Variants in CADM2 observed in about 807,000 individuals in gnomAD.
The protein encoded by CADM2 is cell adhesion molecule 2.
Under a neutral mutation model 49.8 loss-of-function variants are expected in CADM2, and 12 were observed. That is an observed-to-expected ratio of 0.24 (90% CI 0.15 to 0.39). CADM2 has a LOEUF of 0.39. Ranked by LOEUF, CADM2 falls within the 10% of genes least tolerant of loss-of-function variation. CADM2 has a pLI of 1.00. For synonymous variants in CADM2, 214 were observed against 175.4 expected, an observed-to-expected ratio of 1.22 and a Z score of -1.74; for missense variants, 378 against 492.3, an observed-to-expected ratio of 0.77 and a Z score of 2.20.
chr3:86,025,885 A>C (rs1323892571), intron 8 of CADM2, among the ~76,000 whole-genome samples: 2 of 152,196 alleles, frequency 1.3e-5, no homozygotes, highest in Non-Finnish European at 2.9e-5. Flanking sequence ...TAGAAGGAAG[A>C]GTCAATTTAA....
At chr3:85,593,732 T>TA (rs1386322588) in intron 1 of CADM2, among the ~76,000 whole-genome samples, 2 of 152,030 alleles carry the variant, frequency 1.3e-5, no homozygotes, top group African/African-American at 2.4e-5. Flanking sequence ...TCCAACATGA[T>TA]AAGGCTTTGA....
intron 1 of CADM2, among the ~76,000 whole-genome samples, chr3:85,452,377 G>T (rs2037785907): frequency 6.6e-6 from 1 of 152,098 alleles, no homozygotes; most frequent in Admixed American, 6.6e-5. Context: ...CAAAAATGGA[G>T]ATTTAAAGAG....
chr3:85,098,120 T>G (rs377481521), intron 1 of CADM2, among the ~76,000 whole-genome samples: 12 of 152,292 alleles, frequency 7.9e-5, no homozygotes, highest in African/African-American at 2.9e-4. Flanking sequence ...GCATTAGTCT[T>G]TGTCTGCATG....
chr3:86,071,678 G>A lies in CADM2; in HGVS notation c.*4895G>A, dbSNP rs890534404. Reference sequence around the variant, plus strand: ...TATAACAGTGCACTCCCCACCCCCTGGGAAATCTCAAAAGCCAAGTTCTTC... The same window carrying A: ...TATAACAGTGCACTCCCCACCCCCTAGGAAATCTCAAAAGCCAAGTTCTTC... On this transcript the variant is annotated 3_prime_UTR_variant, in exon 10 of 10. Coordinates refer to ENST00000383699, the MANE Select transcript of CADM2 (RefSeq NM_001167675.2). 6.6e-6 allele frequency: 1 copy of A among 151,794 alleles called. No homozygotes were observed. Among genetic ancestry groups the A allele is most frequent in the African/African-American group, 2.4e-5 (1 of 41,368 alleles). 9.4% of individuals were successfully genotyped at this position (151,794 alleles called of 1,614,324 possible).
chr3:86,049,629 C>A (rs115784745), intron 8 of CADM2, among the ~76,000 whole-genome samples: 1 of 151,968 alleles, frequency 6.6e-6, no homozygotes, highest in Non-Finnish European at 1.5e-5. Flanking sequence ...ACGAGAAATG[C>A]GATGCTGCCA....
intron 1 of CADM2, among the ~76,000 whole-genome samples, chr3:85,392,555 C>T (rs915604560): frequency 6.6e-6 from 1 of 152,072 alleles, no homozygotes; most frequent in Admixed American, 6.5e-5. Context: ...CATACATCCT[C>T]CTAATTCTAA....
At chr3:85,055,604 G>A (rs2036051420) in intron 1 of CADM2, among the ~76,000 whole-genome samples, 3 of 151,950 alleles carry the variant, frequency 2.0e-5, no homozygotes, top group Admixed American at 2.0e-4. Flanking sequence ...AGGTTTATTT[G>A]CTTCTTATCA....
At chr3:85,404,893 A>G (rs532125210) in intron 1 of CADM2, among the ~76,000 whole-genome samples, 11 of 152,280 alleles carry the variant, frequency 7.2e-5, no homozygotes, top group African/African-American at 2.4e-4. Flanking sequence ...GATTTGACCA[A>G]AACAAATAAT....
At chr3:85,103,719 G>A (rs984357354) in intron 1 of CADM2, among the ~76,000 whole-genome samples, 1 of 152,066 alleles carries the variant, frequency 6.6e-6, no homozygotes, top group Admixed American at 6.6e-5. Context: ...AAGGGGGGAG[G>A]CATCCCATCT....
chr3:85,603,083 C>G (rs1487828773), intron 1 of CADM2, among the ~76,000 whole-genome samples: 1 of 151,858 alleles, frequency 6.6e-6, no homozygotes, highest in Non-Finnish European at 1.5e-5. Context: ...CCTTTCTCTA[C>G]TAGCTGATAA....
chr3:86,064,688 C>G (rs1345311585), intron 8 of CADM2, among the ~76,000 whole-genome samples: 1 of 152,146 alleles, frequency 6.6e-6, no homozygotes, highest in Non-Finnish European at 1.5e-5. Context: ...AAATGCAAAT[C>G]AAAACCACAA....
chr3:85,771,666 G>T (rs540150950), intron 2 of CADM2, among the ~76,000 whole-genome samples: 1 of 152,154 alleles, frequency 6.6e-6, no homozygotes, highest in African/African-American at 2.4e-5. Flanking sequence ...GGTCTAAAAA[G>T]GGTCTCTCTT....
intron 1 of CADM2, among the ~76,000 whole-genome samples, chr3:85,260,435 T>G (rs1413355797): frequency 6.6e-6 from 1 of 152,116 alleles, no homozygotes; most frequent in East Asian, 1.9e-4. Flanking sequence ...GGATATTTAT[T>G]TCATCTAGAA....
intron 1 of CADM2, among the ~76,000 whole-genome samples, chr3:85,529,969 G>A (rs1199536819): frequency 6.6e-6 from 1 of 151,740 alleles, no homozygotes; most frequent in Non-Finnish European, 1.5e-5. Flanking sequence ...ATCCCACCTG[G>A]TAAATGCCAA....
At chr3:85,418,086 G>A (rs1157161609) in intron 1 of CADM2, among the ~76,000 whole-genome samples, 3 of 151,964 alleles carry the variant, frequency 2.0e-5, no homozygotes, top group Non-Finnish European at 2.9e-5. Flanking sequence ...ATCAAGCCTC[G>A]AACATCTCTT....
intron 1 of CADM2, among the ~76,000 whole-genome samples, chr3:85,015,936 T>A (rs1267742509): frequency 1.3e-5 from 2 of 152,188 alleles, no homozygotes; most frequent in African/African-American, 4.8e-5. Flanking sequence ...AGGTGTGATA[T>A]GATTATAAAA....
chr3:85,524,081 G>T (rs2061099003), intron 1 of CADM2, among the ~76,000 whole-genome samples: 1 of 152,070 alleles, frequency 6.6e-6, no homozygotes, highest in African/African-American at 2.4e-5. Flanking sequence ...AGCTCTACCT[G>T]TAATCAAACT....
At chr3:84,964,704 T>C (rs1194623916) in intron 1 of CADM2, among the ~76,000 whole-genome samples, 1 of 152,158 alleles carries the variant, frequency 6.6e-6, no homozygotes, top group African/African-American at 2.4e-5. Context: ...CCAACAATTA[T>C]TATACTTAAG....
Position 85,105,070 on chromosome 3 carries a change from C to T in CADM2, c.61+145402C>T, listed in dbSNP as rs182898989. On this transcript the variant is annotated intron_variant, in intron 1 of 9. Transcript: ENST00000383699. ...AGTTGAATAGCCTTTATTTCCTTCT[C>T]CTGCCTAATTTCCCTGGCCAGAACT... Among the ~76,000 whole-genome samples the T allele has an allele frequency of 3.9e-5, 6 of 152,168 alleles. No homozygotes were observed. In the East Asian group the frequency reaches 1.2e-3, roughly 30 times the overall value.
Sources: gnomAD v4.1 joint callset for allele counts (sites outside exome capture counted in the v4.1 genomes callset) on GRCh38, gnomAD v4.1.1 for gene constraint, MANE v1.5 for transcripts, NCBI Gene and HGNC (gene_info 2026-07-23, HGNC 2026-07-21) for gene names.